The following LRRC7 variants were observed in gnomAD, a reference collection of about 807,000 sequenced individuals.
The protein encoded by LRRC7 is leucine-rich repeat-containing protein 7.
Under a neutral mutation model 175.7 loss-of-function variants are expected in LRRC7, and 23 were observed. That is an observed-to-expected ratio of 0.13 (90% CI 0.09 to 0.19). The LOEUF is 0.19. LRRC7 is among the 10% of genes least tolerant of loss of function. The probability of loss-of-function intolerance (pLI) is 1.00; values close to 1 mark genes in which losing one functional copy is unlikely to be tolerated. For synonymous variants in LRRC7, 685 were observed against 680.9 expected (o/e 1.01, Z -0.09); for missense variants, 1,354 against 1,904.7 (o/e 0.71, Z 5.38).
At chr1:69,610,216 T>C (rs1648483081) in intron 1 of LRRC7, among the ~76,000 whole-genome samples, 1 of 152,114 alleles carries the variant, frequency 6.6e-6, no homozygotes, top group Non-Finnish European at 1.5e-5. Flanking sequence ...ACCCTAAATT[T>C]GACTAATCCT....
At chr1:69,670,165 A>T (rs1658868021) in intron 1 of LRRC7, among the ~76,000 whole-genome samples, 1 of 152,004 alleles carries the variant, frequency 6.6e-6, no homozygotes, top group Non-Finnish European at 1.5e-5. Context: ...TGGCCATTGA[A>T]GAGTTAGATA....
At chr1:69,663,789 T>G (rs1390181411) in intron 1 of LRRC7, among the ~76,000 whole-genome samples, 1 of 132,772 alleles carries the variant, frequency 7.5e-6, no homozygotes, top group Non-Finnish European at 1.6e-5. Flanking sequence ...TGGCGCAATC[T>G]CAGCTCACTG....
At chr1:70,031,743 G>GT (rs1658744230) in intron 18 of LRRC7, among the ~76,000 whole-genome samples, 1 of 149,178 alleles carries the variant, frequency 6.7e-6, no homozygotes, top group African/African-American at 2.5e-5. Context: ...ATGCCACTTG[G>GT]TTTTTTATCA....
intron 7 of LRRC7, among the ~76,000 whole-genome samples, chr1:69,864,348 G>A (rs1684684239): frequency 6.6e-6 from 1 of 152,120 alleles, no homozygotes; most frequent in Non-Finnish European, 1.5e-5. Context: ...AGAATAGTTG[G>A]ATGAATAGAT....
rs555800337 is a variant in LRRC7 at position 70,124,202 on chromosome 1, G to A, written c.*2315G>A. ...ACCTCACTGTCAATAGTACTGCCAT[G>A]TTGCATACTGAGAACAGGCAGGTAA... On this transcript the variant is annotated 3_prime_UTR_variant, in exon 27 of 27. Transcript: ENST00000651989. Among the ~76,000 whole-genome samples the A allele has an allele frequency of 1.3e-5, 2 of 152,196 alleles. No homozygotes were observed. The highest frequency in any genetic ancestry group is 3.8e-4 in the East Asian group (2 of 5,198).
In LRRC7 at chr1:69,916,642, C is replaced by T. The variant is rs72676855; in HGVS notation, c.648-14865C>T. ...AATTATAGATGCCTGATAGAAATTGCGTGGTTTCTCTTTGTAAATATTCTA... is the reference window on the plus strand; with the variant it reads ...AATTATAGATGCCTGATAGAAATTGTGTGGTTTCTCTTTGTAAATATTCTA... On this transcript the variant is annotated intron_variant, in intron 7 of 26. Transcript: ENST00000651989. 5.4e-3 allele frequency among the ~76,000 whole-genome samples: 819 copies of T among 152,056 alleles called. 8 individuals carry two copies. Among genetic ancestry groups the T allele is most frequent in the Middle Eastern group, 0.014 (4 of 294 alleles).
At chr1:69,704,534 C>A (rs1016264220) in intron 2 of LRRC7, among the ~76,000 whole-genome samples, 2 of 151,808 alleles carry the variant, frequency 1.3e-5, no homozygotes, top group Non-Finnish European at 2.9e-5. Flanking sequence ...TGGCTATTCA[C>A]AATTTTTAAT....
At chr1:69,978,052 C>T (rs188157089) in intron 8 of LRRC7, among the ~76,000 whole-genome samples, 4 of 152,214 alleles carry the variant, frequency 2.6e-5, no homozygotes, top group Non-Finnish European at 5.9e-5. Context: ...ACAAAAAAAG[C>T]ATTGGGAGGC....
chr1:69,733,578 A>G (rs993471212), intron 2 of LRRC7, among the ~76,000 whole-genome samples: 8 of 152,048 alleles, frequency 5.3e-5, no homozygotes, highest in Non-Finnish European at 1.0e-4. Context: ...GAAGAATGCT[A>G]AAATAAAATT....
chr1:69,718,125 G>GA (rs369845382), intron 2 of LRRC7, among the ~76,000 whole-genome samples: 3 of 32,664 alleles, frequency 9.2e-5, no homozygotes, highest in Non-Finnish European at 1.5e-4. Context: ...AAGAAAGAAA[G>GA]AAAAGAAAGA....
At chr1:70,042,872 A>G (rs1272092685) in intron 21 of LRRC7, among the ~76,000 whole-genome samples, 1 of 152,204 alleles carries the variant, frequency 6.6e-6, no homozygotes, top group Non-Finnish European at 1.5e-5. Context: ...AGCTTCACTC[A>G]ATGAAACTTT....
rs558784627 is a variant in LRRC7, at chr1:69,902,607, G to T, written c.648-28900G>T. Among the ~76,000 whole-genome samples, 25 of 151,936 alleles carry T rather than the reference G, an allele frequency of 1.6e-4. 1 individual carries two copies. Among genetic ancestry groups the T allele is most frequent in the East Asian group, 3.9e-4 (2 of 5,178 alleles). On this transcript the variant is annotated intron_variant, in intron 7 of 26. Coordinates refer to ENST00000651989, the MANE Select transcript of LRRC7 (RefSeq NM_001370785.2). ...AAAAAAAGCTTCAATTTTCAGAGACGTTATAAAGTGAAGTATCAGTATAGT... is the reference window on the plus strand; with the variant it reads ...AAAAAAAGCTTCAATTTTCAGAGACTTTATAAAGTGAAGTATCAGTATAGT...
chr1:69,782,370 T>C (rs1353842913), intron 3 of LRRC7, among the ~76,000 whole-genome samples: 1 of 152,210 alleles, frequency 6.6e-6, no homozygotes, highest in African/African-American at 2.4e-5. Flanking sequence ...TCAATAGGTA[T>C]AACCGTACAG....
chr1:69,680,074 T>G (rs1361665488), intron 2 of LRRC7, among the ~76,000 whole-genome samples: 1 of 152,124 alleles, frequency 6.6e-6, no homozygotes, highest in Non-Finnish European at 1.5e-5. Context: ...TGAACCCTGG[T>G]CCAGGCCAGT....
intron 11 of LRRC7, among the ~76,000 whole-genome samples, chr1:70,004,091 T>A (rs1655780330): frequency 4.6e-5 from 7 of 152,172 alleles, no homozygotes; most frequent in Admixed American, 4.6e-4. Context: ...AAATGAAAAG[T>A]TTATTATCTC....
At position 70,078,828 on chromosome 1, in the gene LRRC7, A is replaced by ACACACACACACACG. The variant is rs1423778767; in HGVS notation, c.4452+2543_4452+2544insGCACACACACACAC. 8.0e-5 allele frequency among the ~76,000 whole-genome samples: 11 copies of ACACACACACACACG among 137,224 alleles called. No individual in the cohort carries two copies. The East Asian group carries it at 2.1e-3, about 26-fold the overall frequency. 90.0% of individuals were successfully genotyped at this position (137,224 alleles called of 152,430 possible). On this transcript the variant is annotated intron_variant, in intron 24 of 26. Coordinates refer to ENST00000651989, the MANE Select transcript of LRRC7 (RefSeq NM_001370785.2). The stretch of plus-strand genomic sequence containing the variant: ...CGCGCGCGCACACACACACACGCAC[A>ACACACACACACACG]CACACACACACACACACACACACAC...
At chr1:69,634,334 T>C (rs1243638504) in intron 1 of LRRC7, among the ~76,000 whole-genome samples, 1 of 152,112 alleles carries the variant, frequency 6.6e-6, no homozygotes, top group African/African-American at 2.4e-5. Context: ...TGTCATCTAA[T>C]TTTATGTTGA....
At chr1:69,794,398 A>G (rs146140647) in intron 4 of LRRC7, among the ~76,000 whole-genome samples, 2 of 152,334 alleles carry the variant, frequency 1.3e-5, no homozygotes, top group East Asian at 1.9e-4. Flanking sequence ...CAGCAAGACA[A>G]TTCTAAAAGT....
At chr1:69,915,357 A>C (rs890836363) in intron 7 of LRRC7, among the ~76,000 whole-genome samples, 1 of 152,196 alleles carries the variant, frequency 6.6e-6, no homozygotes, top group South Asian at 2.1e-4. Flanking sequence ...AAATAAACCT[A>C]GGGCTGTGTT....
Sources: gnomAD v4.1 joint callset for allele counts (sites outside exome capture counted in the v4.1 genomes callset) on GRCh38, gnomAD v4.1.1 for gene constraint, MANE v1.5 for transcripts, NCBI Gene and HGNC (gene_info 2026-07-23, HGNC 2026-07-21) for gene names.